PLEKHJ1: variants seen among roughly 807,000 people sequenced by gnomAD.
The protein encoded by PLEKHJ1 is pleckstrin homology domain containing J1.
In PLEKHJ1, 20 loss-of-function variants were observed where a neutral mutation model predicts 21.7. The ratio of observed to expected loss-of-function variants is 0.92; its 90% CI spans 0.65 to 1.34. The LOEUF (loss-of-function observed/expected upper bound fraction) is 1.34, where lower values mean the gene tolerates loss of function less well. Ranked by LOEUF, PLEKHJ1 falls within the 40% of genes most tolerant of loss-of-function variation. The pLI, the probability that PLEKHJ1 is intolerant of heterozygous loss-of-function variation, is 0.00. For missense variants in PLEKHJ1, 241 were observed against 202.0 expected, an observed-to-expected ratio of 1.19 and a Z score of -1.17; for synonymous variants, 113 against 80.6, an observed-to-expected ratio of 1.40 and a Z score of -2.15.
Position 2,236,226 on chromosome 19 carries a change from AG to A in PLEKHJ1, c.22del (p.Leu8CysfsTer17). The A allele has an allele frequency of 6.8e-7, 1 of 1,462,172 alleles. No individual in the cohort carries two copies. The highest frequency in any genetic ancestry group is 1.5e-5 in the African/African-American group (1 of 67,544). The allele number at this position is 1,462,172 out of a possible 1,614,324, so 90.6% of individuals were successfully genotyped here. MRYNEKE[L>X]QALSRQPAEM... ...GGCCGGCTGCCGGGACAGAGCCTGC[AG>A]CTCCTTCTCGTTGTACCGCATGGCT... On this transcript the variant is annotated frameshift_variant, in exon 1 of 6. Coordinates refer to ENST00000326631, the MANE Select transcript of PLEKHJ1 (RefSeq NM_018049.3). LOFTEE classifies it high-confidence loss of function.
downstream of PLEKHJ1, chr19:2,231,806 C>T (rs140530103): frequency 1.5e-3 from 332 of 217,518 alleles, 2 homozygotes; most frequent in African/African-American, 6.8e-3. Flanking sequence ...GTGACAGTGG[C>T]AGTCCGGGTG....
chr19:2,235,376 C>T (rs1275061921), intron 3 of PLEKHJ1: 3 of 216,872 alleles, frequency 1.4e-5, no homozygotes. Flanking sequence ...GGAGAACACC[C>T]CCCTCTCACT....
chr19:2,233,411 C>T lies in PLEKHJ1; in HGVS notation c.*429G>A, dbSNP rs80224142. On this transcript the variant is annotated 3_prime_UTR_variant, in exon 6 of 6. Transcript: ENST00000326631. ...CAGGCAGGGCACCTGTGGGAAGGCGCATATCCTGGCGGCAGCAGCACGTGG... is the reference window on the plus strand; with the variant it reads ...CAGGCAGGGCACCTGTGGGAAGGCGTATATCCTGGCGGCAGCAGCACGTGG... 5.5e-3 allele frequency: 1,205 copies of T among 218,842 alleles called. 50 individuals carry two copies. In the East Asian group the frequency reaches 0.098, roughly 18 times the overall value. 13.6% of individuals were successfully genotyped at this position (218,842 alleles called of 1,614,324 possible). A position where few individuals can be genotyped will look rare whatever the true frequency, so the allele number is the denominator to read the frequency against.
At chr19:2,231,870 G>A (rs528464476), downstream of PLEKHJ1, 79 of 219,916 alleles carry the variant, frequency 3.6e-4, no homozygotes, top group Admixed American at 1.4e-3. Flanking sequence ...GCAGGCCACC[G>A]TATGTTCAGG....
In PLEKHJ1 at chr19:2,233,651, A is replaced by C; in HGVS notation, c.*189T>G. 1.7e-6 allele frequency: 1 copy of C among 586,010 alleles called. No individual in the cohort carries two copies. The highest frequency in any genetic ancestry group is 3.0e-6 in the Non-Finnish European group (1 of 332,590). The allele number at this position is 586,010 out of a possible 1,614,324, so 36.3% of individuals were successfully genotyped here. Reference sequence around the variant, plus strand: ...CTACTTGGGAAGCTGAGGCAGGAGGATCACTTGAGTCCAGAAGGTCAAGGT... The same window carrying C: ...CTACTTGGGAAGCTGAGGCAGGAGGCTCACTTGAGTCCAGAAGGTCAAGGT... On this transcript the variant is annotated 3_prime_UTR_variant, in exon 6 of 6. Transcript: ENST00000326631.
downstream of PLEKHJ1, chr19:2,231,865 C>T (rs2024612948): frequency 9.1e-6 from 2 of 220,278 alleles, no homozygotes; most frequent in South Asian, 1.8e-4. Flanking sequence ...CCCACGCAGG[C>T]CACCGTATGT....
rs572890766 is a variant in PLEKHJ1 at position 2,236,223 on chromosome 19, T to C, written c.26A>G (p.Gln9Arg). ...CTCGGCCGGCTGCCGGGACAGAGCC[T>C]GCAGCTCCTTCTCGTTGTACCGCAT... is the stretch of plus-strand genomic sequence containing the variant. MRYNEKELQALSRQPAEMA... is the reference protein window; with the variant it reads MRYNEKELRALSRQPAEMA... Residue 9 changes from glutamine to arginine, a missense_variant, in exon 1 of 6, where the codon CAG becomes CGG. Gln to Arg is a conservative substitution (Grantham distance 43). Coordinates refer to ENST00000326631, the MANE Select transcript of PLEKHJ1 (RefSeq NM_018049.3). 6 of 1,463,530 alleles carry C rather than the reference T, an allele frequency of 4.1e-6. No individual in the cohort carries two copies. The highest frequency in any genetic ancestry group is 1.8e-4 in the Middle Eastern group (1 of 5,410). 90.7% of individuals were successfully genotyped at this position (1,463,530 alleles called of 1,614,324 possible).
chr19:2,233,644 CAGG>C lies in PLEKHJ1; in HGVS notation c.*193_*195del. 1.7e-6 allele frequency: 1 copy of C among 580,968 alleles called. No homozygotes were observed. Among genetic ancestry groups the C allele is most frequent in the African/African-American group, 1.9e-5 (1 of 53,758 alleles). The allele number at this position is 580,968 out of a possible 1,614,324, so 36.0% of individuals were successfully genotyped here. Reference sequence around the variant, plus strand: ...ATCCCCGCTACTTGGGAAGCTGAGGCAGGAGGATCACTTGAGTCCAGAAGGTCA... The same window carrying C: ...ATCCCCGCTACTTGGGAAGCTGAGGCAGGATCACTTGAGTCCAGAAGGTCA... On this transcript the variant is annotated 3_prime_UTR_variant, in exon 6 of 6. Coordinates refer to ENST00000326631, the MANE Select transcript of PLEKHJ1 (RefSeq NM_018049.3).
intron 3 of PLEKHJ1, 82 bp from the exon 4 acceptor site, chr19:2,234,322 T>G (rs2024719436): frequency 9.9e-7 from 1 of 1,014,060 alleles, no homozygotes; most frequent in East Asian, 2.5e-5. Flanking sequence ...CTGTCCCTTC[T>G]CTGGCCCCCA....
chr19:2,232,979 G>A (rs2024666446), downstream of PLEKHJ1, among the ~76,000 whole-genome samples: 1 of 152,164 alleles, frequency 6.6e-6, no homozygotes, highest in Non-Finnish European at 1.5e-5. Context: ...CCACACAGCA[G>A]CTCTGTTCTC....
rs988391130 is a variant in PLEKHJ1 at position 2,236,265 on chromosome 19, G to A, written c.-17C>T. On this transcript the variant is annotated 5_prime_UTR_variant, in exon 1 of 6. Transcript: ENST00000326631. ...GTACCGCATGGCTCCGCGGGGAACGGGAACCCGGGCCGCGCCCTCCCGGCC... is the reference window on the plus strand; with the variant it reads ...GTACCGCATGGCTCCGCGGGGAACGAGAACCCGGGCCGCGCCCTCCCGGCC... The A allele has an allele frequency of 4.4e-6, 6 of 1,360,166 alleles. No individual in the cohort carries two copies. The highest frequency in any genetic ancestry group is 3.1e-5 in the East Asian group (1 of 32,398). 84.3% of individuals were successfully genotyped at this position (1,360,166 alleles called of 1,614,324 possible).
intron 3 of PLEKHJ1, chr19:2,234,488 A>G: frequency 4.3e-6 from 2 of 465,842 alleles, no homozygotes; most frequent in Non-Finnish European, 7.7e-6. Context: ...AGGTGGGAGG[A>G]TTGCTTGAGC....
At chr19:2,231,447 G>A, downstream of PLEKHJ1, 1 of 205,670 alleles carries the variant, frequency 4.9e-6, no homozygotes. Flanking sequence ...GTGTGGGAGG[G>A]CCTGAAGACC....
rs1319540158 is a variant in PLEKHJ1, at chr19:2,236,222, C to T, written c.27G>A (p.Gln9=). MRYNEKEL[Q]ALSRQPAEMA... is the part of the protein sequence containing the mutation. ...TCTCGGCCGGCTGCCGGGACAGAGCCTGCAGCTCCTTCTCGTTGTACCGCA... is the reference window on the plus strand; with the variant it reads ...TCTCGGCCGGCTGCCGGGACAGAGCTTGCAGCTCCTTCTCGTTGTACCGCA... Residue 9 remains glutamine, a synonymous_variant, in exon 1 of 6, where the codon CAG becomes CAA. Transcript: ENST00000326631. The T allele has an allele frequency of 2.0e-6, 3 of 1,464,736 alleles. No individual in the cohort carries two copies. The highest frequency in any genetic ancestry group is 2.7e-6 in the Non-Finnish European group (3 of 1,112,732). The allele number at this position is 1,464,736 out of a possible 1,614,324, so 90.7% of individuals were successfully genotyped here.
chr19:2,233,698 T>G lies in PLEKHJ1; in HGVS notation c.*142A>C, dbSNP rs1314102716. 4.3e-6 allele frequency: 3 copies of G among 697,976 alleles called. No individual in the cohort carries two copies. Among genetic ancestry groups the G allele is most frequent in the South Asian group, 1.8e-5 (1 of 54,960 alleles). 43.2% of individuals were successfully genotyped at this position (697,976 alleles called of 1,614,324 possible). ...AGGTCACAGTGAGCTGTGGCACCAC[T>G]GCACTCTAGCCTGGGCAACACAGTG... On this transcript the variant is annotated 3_prime_UTR_variant, in exon 6 of 6. Transcript: ENST00000326631.
chr19:2,232,956 A>G (rs2024665679), downstream of PLEKHJ1, among the ~76,000 whole-genome samples: 1 of 149,608 alleles, frequency 6.7e-6, no homozygotes. Flanking sequence ...AGGTCACCAC[A>G]GGATTCCTGA....
intron 1 of PLEKHJ1, 70 bp from the exon 2 acceptor site, chr19:2,236,060 C>G: frequency 6.8e-7 from 1 of 1,461,136 alleles, no homozygotes; most frequent in Non-Finnish European, 9.0e-7. Flanking sequence ...GTCCCCGGCG[C>G]CCCGACCCGG....
chr19:2,232,178 C>T (rs750268512), downstream of PLEKHJ1: 6 of 223,076 alleles, frequency 2.7e-5, no homozygotes, highest in Admixed American at 5.7e-5. Flanking sequence ...GGGCGGGCGG[C>T]GCCTGGGAGT....
chr19:2,236,213 G>T lies in PLEKHJ1; in HGVS notation c.36C>A (p.Ser12=). Residue 12 remains serine, a synonymous_variant, in exon 1 of 6, where the codon TCC becomes TCA. Coordinates refer to ENST00000326631, the MANE Select transcript of PLEKHJ1 (RefSeq NM_018049.3). ...RYNEKELQAL[S]RQPAEMAAEL... The stretch of plus-strand genomic sequence containing the variant: ...CGGCCGCCATCTCGGCCGGCTGCCG[G>T]GACAGAGCCTGCAGCTCCTTCTCGT... 1 of 1,474,162 alleles carries T rather than the reference G, an allele frequency of 6.8e-7. No homozygotes were observed. The highest frequency in any genetic ancestry group is 2.9e-5 in the East Asian group (1 of 34,424). The allele number at this position is 1,474,162 out of a possible 1,614,324, so 91.3% of individuals were successfully genotyped here. A position where few individuals can be genotyped will look rare whatever the true frequency, so the allele number is the denominator to read the frequency against.
Sources: allele counts gnomAD v4.1 joint callset (sites outside exome capture counted in the v4.1 genomes callset), GRCh38; gene constraint gnomAD v4.1.1; transcripts MANE v1.5; gene names NCBI Gene and HGNC (gene_info 2026-07-23, HGNC 2026-07-21).